The following NPY2R variants were observed in gnomAD, a reference collection of about 807,000 sequenced individuals.
NPY2R encodes the protein neuropeptide Y receptor type 2.
A neutral mutation model predicts 22.3 loss-of-function variants in NPY2R; 17 were observed. The ratio of observed to expected loss-of-function variants is 0.76; its 90% CI spans 0.52 to 1.14. The LOEUF is 1.14. NPY2R is among the 50% of genes most tolerant of loss of function. The probability of loss-of-function intolerance (pLI) is 0.00; values close to 1 mark genes in which losing one functional copy is unlikely to be tolerated. For missense variants in NPY2R, 424 were observed against 467.9 expected (o/e 0.91, Z 0.87); for synonymous variants, 209 against 183.4 (o/e 1.14, Z -1.13).
At chr4:155,204,018 C>T (rs1462218609), upstream of NPY2R, among the ~76,000 whole-genome samples, 1 of 152,168 alleles carries the variant, frequency 6.6e-6, no homozygotes, top group Non-Finnish European at 1.5e-5. Flanking sequence ...CTCTTCCTCC[C>T]TTCCTCAAAT....
At chr4:155,183,036 A>T in the NPY2R span, among the ~76,000 whole-genome samples, 1 of 151,950 alleles carries the variant, frequency 6.6e-6, no homozygotes, top group Non-Finnish European at 1.5e-5. Context: ...CAGGTGATCC[A>T]CCTGCCTTGG....
the NPY2R span, among the ~76,000 whole-genome samples, chr4:155,195,553 C>T: frequency 2.6e-5 from 4 of 151,824 alleles, no homozygotes; most frequent in African/African-American, 9.7e-5. Context: ...ATCCACTATG[C>T]TTATTTAAAT....
the NPY2R span, chr4:155,174,079 C>A: frequency 6.6e-6 from 1 of 151,796 alleles, no homozygotes; most frequent in Non-Finnish European, 1.5e-5. Context: ...GTAGGTGATT[C>A]ATTTACTCCA....
At chr4:155,208,002 A>G (rs6857530), upstream of NPY2R, 75,352 of 152,206 alleles carry the variant, frequency 0.5, 20,226 homozygotes, top group African/African-American at 0.72. This position sits in a 1 kb window ranked among gnomAD's most constrained non-coding sequence, Gnocchi z 5.6. Context: ...GATCATGGGC[A>G]GCAGGATCTG....
the NPY2R span, among the ~76,000 whole-genome samples, chr4:155,185,836 A>G: frequency 6.6e-6 from 1 of 152,196 alleles, no homozygotes; most frequent in Non-Finnish European, 1.5e-5. Flanking sequence ...TTAAGAAAGC[A>G]TAAAAGGCAG....
chr4:155,201,817 G>GAGAAAT, the NPY2R span, among the ~76,000 whole-genome samples: 1 of 152,058 alleles, frequency 6.6e-6, no homozygotes, highest in Admixed American at 6.6e-5. Context: ...TCTGCCTGGT[G>GAGAAAT]AGAAATATAA....
At chr4:155,181,818 C>G in the NPY2R span, among the ~76,000 whole-genome samples, 3 of 152,154 alleles carry the variant, frequency 2.0e-5, no homozygotes, top group Non-Finnish European at 4.4e-5. Context: ...AGATGTTCCA[C>G]ACCAAGACAT....
chr4:155,196,384 C>G, the NPY2R span, among the ~76,000 whole-genome samples: 1 of 151,796 alleles, frequency 6.6e-6, no homozygotes, highest in African/African-American at 2.4e-5. Context: ...TCAGTGATGG[C>G]AAGAAAGATG....
the NPY2R span, among the ~76,000 whole-genome samples, chr4:155,175,660 TCAAA>T: frequency 2.0e-5 from 3 of 152,146 alleles, no homozygotes; most frequent in Non-Finnish European, 2.9e-5. Flanking sequence ...AAGTGTAGTG[TCAAA>T]CAAAAATGAC....
intron 1 of NPY2R, among the ~76,000 whole-genome samples, chr4:155,209,778 GA>G (rs1322493344): frequency 4.6e-5 from 7 of 151,740 alleles, no homozygotes; most frequent in African/African-American, 1.7e-4. Flanking sequence ...TTTTCCCTGG[GA>G]AAAATGTTCT....
chr4:155,196,512 G>A, the NPY2R span, among the ~76,000 whole-genome samples: 2 of 151,966 alleles, frequency 1.3e-5, no homozygotes, highest in African/African-American at 4.8e-5. Flanking sequence ...GGAATGGCAG[G>A]AGTGACTGAA....
upstream of NPY2R, among the ~76,000 whole-genome samples, chr4:155,205,804 G>GCTATCTATCTATCTAT (rs3836609): frequency 3.8e-4 from 56 of 147,038 alleles, no homozygotes; most frequent in East Asian, 8.1e-4. Context: ...GAGTCAGGCT[G>GCTATCTATCTATCTAT]CTATCTATCT....
upstream of NPY2R, among the ~76,000 whole-genome samples, chr4:155,205,033 G>A (rs1220817411): frequency 6.6e-6 from 1 of 152,052 alleles, no homozygotes; most frequent in African/African-American, 2.4e-5. Context: ...TTTGTGTTTG[G>A]GTGAAAAAGA....
chr4:155,197,843 A>G, the NPY2R span, among the ~76,000 whole-genome samples: 5 of 152,084 alleles, frequency 3.3e-5, no homozygotes, highest in African/African-American at 7.2e-5. Flanking sequence ...CATTTGAAAA[A>G]CACACATATA....
chr4:155,200,347 T>C, the NPY2R span, among the ~76,000 whole-genome samples: 14 of 150,750 alleles, frequency 9.3e-5, no homozygotes. Flanking sequence ...ATTAAAAAGT[T>C]AAGAAACAAT....
the NPY2R span, among the ~76,000 whole-genome samples, chr4:155,194,725 T>C: frequency 6.6e-6 from 1 of 151,996 alleles, no homozygotes; most frequent in Non-Finnish European, 1.5e-5. Context: ...GTCTTTTTGG[T>C]AGACAATTTA....
chr4:155,177,267 T>G, the NPY2R span, among the ~76,000 whole-genome samples: 1 of 152,156 alleles, frequency 6.6e-6, no homozygotes, highest in Non-Finnish European at 1.5e-5. Context: ...GCTCTTTAGC[T>G]GTTAACCTGT....
chr4:155,181,162 C>G, the NPY2R span, among the ~76,000 whole-genome samples: 1 of 151,810 alleles, frequency 6.6e-6, no homozygotes, highest in African/African-American at 2.4e-5. Context: ...GCACAATTAC[C>G]CGGTAGTGCA....
the NPY2R span, among the ~76,000 whole-genome samples, chr4:155,174,484 A>ATATTTTTT: frequency 7.2e-4 from 76 of 106,068 alleles, 1 homozygote; most frequent in Admixed American, 2.6e-3. Flanking sequence ...ATATATATAT[A>ATATTTTTT]TTTTTTTTTT....
Sources: gnomAD v4.1 joint callset for allele counts (sites outside exome capture counted in the v4.1 genomes callset) on GRCh38, gnomAD v4.1.1 for gene constraint, Gnocchi (gnomAD v3.1) non-coding constraint, MANE v1.5 for transcripts, NCBI Gene and HGNC (gene_info 2026-07-23, HGNC 2026-07-21) for gene names.